DEPDC4: variants seen among roughly 807,000 people sequenced by gnomAD.
The protein encoded by DEPDC4 is DEP domain containing 4.
A neutral mutation model predicts 52.0 loss-of-function variants in DEPDC4; 52 were observed. That is an observed-to-expected ratio of 1.00 (90% CI 0.80 to 1.26). The LOEUF is 1.26. DEPDC4 is among the 50% of genes most tolerant of loss of function. DEPDC4 has a pLI of 0.00. For missense variants in DEPDC4, 530 were observed against 546.9 expected (o/e 0.97, Z 0.31); for synonymous variants, 201 against 196.8 (o/e 1.02, Z -0.18).
In DEPDC4 at chr12:100,240,838, A is replaced by G. The variant is rs559095148; in HGVS notation, c.*1054T>C. Among the ~76,000 whole-genome samples the G allele has an allele frequency of 2.5e-3, 382 of 152,320 alleles. 2 individuals are homozygous for G. The highest frequency in any genetic ancestry group is 8.8e-3 in the African/African-American group (365 of 41,578). ...GAGGCTAAGGTGGGCAGATCACCTG[A>G]GGTCAGGAGTTCAAGACTAGCCTGG... On this transcript the variant is annotated 3_prime_UTR_variant, in exon 10 of 10. Transcript: ENST00000550587.
At position 100,263,705 on chromosome 12, in the gene DEPDC4, A is replaced by G; in HGVS notation, c.346T>C (p.Ser116Pro). The G allele has an allele frequency of 6.2e-7, 1 of 1,614,166 alleles. No homozygotes were observed. The highest frequency in any genetic ancestry group is 8.5e-7 in the Non-Finnish European group (1 of 1,180,018). The change falls in exon 2 of 10, where the codon TCT becomes CCT. Residue 116 changes from serine to proline, a missense_variant. Physicochemically the swap from Ser to Pro is moderately conservative, Grantham distance 74. Transcript: ENST00000550587. Reference sequence around the variant, plus strand: ...CAAAGATGAACCCCTTTAAGACAAGAGATGTCATTGCTACTTAGGCACGTG... The same window carrying G: ...CAAAGATGAACCCCTTTAAGACAAGGGATGTCATTGCTACTTAGGCACGTG... ...QNTCLSSNDISCLKGVHLCQV... is the reference protein window; with the variant it reads ...QNTCLSSNDIPCLKGVHLCQV...
intron 1 of DEPDC4, among the ~76,000 whole-genome samples, chr12:100,264,235 A>G (rs2096264061): frequency 6.6e-6 from 1 of 152,196 alleles, no homozygotes; most frequent in Non-Finnish European, 1.5e-5. Flanking sequence ...ACACTTGAGT[A>G]TTGATTATTA....
chr12:100,258,639 G>C (rs12315587), intron 3 of DEPDC4, among the ~76,000 whole-genome samples: 1,977 of 152,176 alleles, frequency 0.013, 46 homozygotes, highest in African/African-American at 0.044. Flanking sequence ...TCACAGCCAA[G>C]GCTTTGCAAC....
In DEPDC4 at chr12:100,241,848, GGAA is replaced by G. The variant is rs1566308304; in HGVS notation, c.*47-6_*47-4del. 3.0e-6 allele frequency: 3 copies of G among 1,012,980 alleles called. No homozygotes were observed. The highest frequency in any genetic ancestry group is 3.6e-6 in the Non-Finnish European group (3 of 841,158). 62.7% of individuals were successfully genotyped at this position (1,012,980 alleles called of 1,614,324 possible). On this transcript the variant is annotated splice_polypyrimidine_tract_variant and splice_region_variant and intron_variant, in intron 9 of 9. Coordinates refer to ENST00000550587, the MANE Select transcript of DEPDC4 (RefSeq NM_001364818.2). Reference sequence around the variant, plus strand: ...CAAGGGTTGGCAAAACGTAAAGCCTGGAAAAAAAAAAAAAAAACAAAAGAAAAA... The same window carrying G: ...CAAGGGTTGGCAAAACGTAAAGCCTGAAAAAAAAAAAAAACAAAAGAAAAA...
chr12:100,240,719 G>C lies in DEPDC4; in HGVS notation c.*1173C>G, dbSNP rs1041050911. 2.0e-5 allele frequency among the ~76,000 whole-genome samples: 3 copies of C among 152,200 alleles called. No homozygotes were observed. The highest frequency in any genetic ancestry group is 7.2e-5 in the African/African-American group (3 of 41,450). Reference sequence around the variant, plus strand: ...AGAAGAATTAGAGAGAGAAATCACAGTTTTGATGTTTACGAATTTTTAATT... The same window carrying C: ...AGAAGAATTAGAGAGAGAAATCACACTTTTGATGTTTACGAATTTTTAATT... On this transcript the variant is annotated 3_prime_UTR_variant, in exon 10 of 10. Coordinates refer to ENST00000550587, the MANE Select transcript of DEPDC4 (RefSeq NM_001364818.2).
At chr12:100,248,614 G>A (rs2096195449) in intron 8 of DEPDC4, among the ~76,000 whole-genome samples, 1 of 152,122 alleles carries the variant, frequency 6.6e-6, no homozygotes, top group Non-Finnish European at 1.5e-5. Flanking sequence ...GAGAGCACAG[G>A]AGCAAAGAAG....
intron 3 of DEPDC4, among the ~76,000 whole-genome samples, chr12:100,258,453 T>C (rs2153916325): frequency 6.6e-6 from 1 of 152,304 alleles, no homozygotes; most frequent in East Asian, 1.9e-4. Context: ...AAAAAACTTC[T>C]AGATTGCAAC....
At chr12:100,270,193 A>G (rs1358956537), upstream of DEPDC4, among the ~76,000 whole-genome samples, 4 of 152,164 alleles carry the variant, frequency 2.6e-5, no homozygotes, top group East Asian at 5.8e-4. Flanking sequence ...TCACCGTGTT[A>G]GGCAGGAGGG....
intron 3 of DEPDC4, among the ~76,000 whole-genome samples, chr12:100,259,081 A>ATATATATATATATATAT (rs1555312803): frequency 1.1e-4 from 17 of 149,092 alleles, no homozygotes; most frequent in Non-Finnish European, 2.2e-4. Context: ...AAAAAAAAAA[A>ATATATATATATATATAT]ATATATATAT....
chr12:100,263,495 A>T lies in DEPDC4; in HGVS notation c.554+2T>A, dbSNP rs756506961. On this transcript the variant is annotated splice_donor_variant, in intron 2 of 9. Coordinates refer to ENST00000550587, the MANE Select transcript of DEPDC4 (RefSeq NM_001364818.2). LOFTEE classifies it high-confidence loss of function. ...TATTACAGTATCTTAGGTAACACTA[A>T]CCTCAAGGTTTCATTGAACTCATTC... is the stretch of plus-strand genomic sequence containing the variant. The T allele has an allele frequency of 1.9e-6, 3 of 1,569,412 alleles. No homozygotes were observed. The highest frequency in any genetic ancestry group is 2.6e-6 in the Non-Finnish European group (3 of 1,161,478).
chr12:100,248,893 T>C lies in DEPDC4; in HGVS notation c.1453+7A>G, dbSNP rs1193369526. Reference sequence around the variant, plus strand: ...ATGATAAAGGAGGAACAAGCTGGAATCCATACCTGATATGGCATCTGCATC... The same window carrying C: ...ATGATAAAGGAGGAACAAGCTGGAACCCATACCTGATATGGCATCTGCATC... On this transcript the variant is annotated splice_region_variant and intron_variant, in intron 8 of 9. Coordinates refer to ENST00000550587, the MANE Select transcript of DEPDC4 (RefSeq NM_001364818.2). 2 of 983,434 alleles carry C rather than the reference T, an allele frequency of 2.0e-6. No homozygotes were observed. The highest frequency in any genetic ancestry group is 1.7e-5 in the African/African-American group (1 of 57,192). The allele number at this position is 983,434 out of a possible 1,614,324, so 60.9% of individuals were successfully genotyped here. A position where few individuals can be genotyped will look rare whatever the true frequency, so the allele number is the denominator to read the frequency against.
At chr12:100,261,830 G>A (rs1400934369) in intron 3 of DEPDC4, 4 of 454,988 alleles carry the variant, frequency 8.8e-6, no homozygotes, top group East Asian at 6.9e-5. Flanking sequence ...CATTTAAAAC[G>A]TCAGTTCTTG....
intron 8 of DEPDC4, among the ~76,000 whole-genome samples, chr12:100,246,387 T>C (rs2096185562): frequency 1.3e-5 from 2 of 152,208 alleles, no homozygotes; most frequent in Admixed American, 6.5e-5. Flanking sequence ...TGGCTGTCTC[T>C]CATTCATCAA....
chr12:100,253,695 G>A lies in DEPDC4; in HGVS notation c.899C>T (p.Ala300Val). The change falls in exon 5 of 10, where the codon GCA becomes GTA. Residue 300 changes from alanine (A) to valine (V), a missense_variant. Transcript: ENST00000550587. ...GAAATACTCCAAGCATTCAATTGCT[G>A]CATTAAGCCAGTTATCGATTCTAGA... ...CLPEIDNWLN[A>V]AIECLEYFPD... 4 of 1,288,966 alleles carry A rather than the reference G, an allele frequency of 3.1e-6. No homozygotes were observed. The highest frequency in any genetic ancestry group is 4.0e-6 in the Non-Finnish European group (4 of 988,546). 79.8% of individuals were successfully genotyped at this position (1,288,966 alleles called of 1,614,324 possible).
At chr12:100,275,381 T>G in the DEPDC4 span, among the ~76,000 whole-genome samples, 1 of 152,044 alleles carries the variant, frequency 6.6e-6, no homozygotes, top group Non-Finnish European at 1.5e-5. Flanking sequence ...TTTAAAAACT[T>G]TTTGGAGTCT....
In DEPDC4 at chr12:100,263,786, C is replaced by G. The variant is rs774981615; in HGVS notation, c.265G>C (p.Asp89His). 6.2e-7 allele frequency: 1 copy of G among 1,614,144 alleles called. No homozygotes were observed. The highest frequency in any genetic ancestry group is 8.5e-7 in the Non-Finnish European group (1 of 1,180,014). The change falls in exon 2 of 10, where the codon GAC becomes CAC. Residue 89 changes from aspartate to histidine, a missense_variant. Physicochemically the swap from Asp to His is moderately conservative, Grantham distance 81. Coordinates refer to ENST00000550587, the MANE Select transcript of DEPDC4 (RefSeq NM_001364818.2). ...RRRHHLQTYKDCFTGSDAVDV... is the reference protein window; with the variant it reads ...RRRHHLQTYKHCFTGSDAVDV... ...ACAGCATCAGAACCAGTGAAACAGTCTTTGTATGTCTGTAAATGATGCCTC... is the reference window on the plus strand; with the variant it reads ...ACAGCATCAGAACCAGTGAAACAGTGTTTGTATGTCTGTAAATGATGCCTC...
At chr12:100,280,964 A>G in the DEPDC4 span, among the ~76,000 whole-genome samples, 1 of 151,742 alleles carries the variant, frequency 6.6e-6, no homozygotes, top group African/African-American at 2.4e-5. Flanking sequence ...AAAATTCTAA[A>G]AATAATCTTC....
intron 3 of DEPDC4, among the ~76,000 whole-genome samples, chr12:100,259,919 G>A (rs567815769): frequency 1.5e-4 from 23 of 151,564 alleles, no homozygotes; most frequent in African/African-American, 5.1e-4. Flanking sequence ...CCACATTAGA[G>A]TGACAGCTTT....
At chr12:100,262,199 G>C in intron 3 of DEPDC4, 65 bp downstream of exon 3, 1 of 1,515,628 alleles carries the variant, frequency 6.6e-7, no homozygotes, top group Non-Finnish European at 8.9e-7. Context: ...CTGCTTATAA[G>C]AACCTGTTAA....
Sources: allele counts gnomAD v4.1 joint callset (sites outside exome capture counted in the v4.1 genomes callset), GRCh38; gene constraint gnomAD v4.1.1; transcripts MANE v1.5; gene names NCBI Gene and HGNC (gene_info 2026-07-23, HGNC 2026-07-21).